The following ANKFN1 variants were observed in gnomAD, a reference collection of about 807,000 sequenced individuals.
The protein encoded by ANKFN1 is ankyrin repeat and fibronectin type III domain containing 1, also known as ankyrin repeat and fibronectin type-III domain-containing protein 1.
In ANKFN1, 74 loss-of-function variants were observed where a neutral mutation model predicts 108.7. The ratio of observed to expected loss-of-function variants is 0.68; its 90% CI spans 0.56 to 0.83. The LOEUF (loss-of-function observed/expected upper bound fraction) is 0.83, where lower values mean the gene tolerates loss of function less well. ANKFN1 is among the 40% of genes least tolerant of loss of function. The probability of loss-of-function intolerance (pLI) is 0.00; values close to 1 mark genes in which losing one functional copy is unlikely to be tolerated. For missense variants in ANKFN1, 1,505 were observed against 1,382.3 expected (o/e 1.09, Z -1.41); for synonymous variants, 547 against 516.2 (o/e 1.06, Z -0.81).
intron 8 of ANKFN1, among the ~76,000 whole-genome samples, chr17:56,412,856 G>A (rs139624176): frequency 6.4e-4 from 98 of 152,158 alleles, no homozygotes; most frequent in African/African-American, 2.1e-3. Flanking sequence ...TCAAATACGC[G>A]TCTATCCTAT....
rs113146127 is a variant in ANKFN1, at chr17:56,135,142, A to C, written c.288+88817A>C. On this transcript the variant is annotated intron_variant, in intron 4 of 12. Coordinates refer to the ANKFN1 transcript ENST00000635860. The stretch of plus-strand genomic sequence containing the variant: ...TCATATAGCCCCTCTGCTATAAAAA[A>C]TAAAATAAATCAAAGAATCTAGGAT... Among the ~76,000 whole-genome samples the C allele has an allele frequency of 8.1e-3, 1,232 of 152,350 alleles. 17 individuals are homozygous for C. The highest frequency in any genetic ancestry group is 0.027 in the African/African-American group (1,139 of 41,578).
At chr17:56,333,917 C>A (rs1280484969) in intron 4 of ANKFN1, among the ~76,000 whole-genome samples, 2 of 152,090 alleles carry the variant, frequency 1.3e-5, no homozygotes, top group Non-Finnish European at 2.9e-5. Flanking sequence ...TAGAGACCAG[C>A]CCACCTTTGA....
At chr17:56,077,967 AT>A (rs2143156056) in intron 4 of ANKFN1, among the ~76,000 whole-genome samples, 1 of 152,206 alleles carries the variant, frequency 6.6e-6, no homozygotes, top group East Asian at 1.9e-4. Context: ...TCATGGAGAA[AT>A]TTTAGATTGT....
chr17:56,267,956 C>A (rs184126809), intron 3 of ANKFN1, among the ~76,000 whole-genome samples: 1 of 151,890 alleles, frequency 6.6e-6, no homozygotes, highest in African/African-American at 2.4e-5. Flanking sequence ...ATAGAAATAG[C>A]GCTGAATCTG....
At chr17:56,412,417 G>C (rs1192372299) in intron 8 of ANKFN1, among the ~76,000 whole-genome samples, 1 of 152,140 alleles carries the variant, frequency 6.6e-6, no homozygotes, top group Non-Finnish European at 1.5e-5. Context: ...GTTCCTGGGC[G>C]TGTCTGTGAG....
intron 8 of ANKFN1, among the ~76,000 whole-genome samples, chr17:56,398,974 T>C (rs2047670451): frequency 6.6e-6 from 1 of 152,146 alleles, no homozygotes; most frequent in African/African-American, 2.4e-5. Context: ...TGGTACATAA[T>C]AGACCAATGG....
At chr17:56,296,158 T>C (rs2044504076) in intron 3 of ANKFN1, among the ~76,000 whole-genome samples, 1 of 152,152 alleles carries the variant, frequency 6.6e-6, no homozygotes, top group Non-Finnish European at 1.5e-5. Flanking sequence ...CCTTCCACAC[T>C]AACCTGCACA....
At chr17:56,308,951 G>A (rs1281701269) in intron 3 of ANKFN1, among the ~76,000 whole-genome samples, 1 of 152,096 alleles carries the variant, frequency 6.6e-6, no homozygotes, top group Non-Finnish European at 1.5e-5. Flanking sequence ...ATTTTTATAT[G>A]TTTCTGAATT....
At chr17:56,061,837 T>C (rs1050944902) in intron 4 of ANKFN1, among the ~76,000 whole-genome samples, 1 of 152,210 alleles carries the variant, frequency 6.6e-6, no homozygotes, top group Non-Finnish European at 1.5e-5. Flanking sequence ...GGGTGTTGAT[T>C]TGAGATCTTT....
intron 1 of ANKFN1, among the ~76,000 whole-genome samples, chr17:56,154,004 T>TA (rs1195836474): frequency 1.3e-5 from 2 of 151,606 alleles, no homozygotes; most frequent in Non-Finnish European, 2.9e-5. Context: ...GATGGAGAAG[T>TA]AAAATTTTTT....
intron 11 of ANKFN1, among the ~76,000 whole-genome samples, chr17:56,454,190 A>G (rs983989730): frequency 2.0e-5 from 3 of 151,396 alleles, no homozygotes; most frequent in Non-Finnish European, 4.4e-5. Flanking sequence ...CCATCCTTAC[A>G]TCCTTTTGCC....
chr17:56,065,438 CA>C (rs1397238033), intron 4 of ANKFN1, among the ~76,000 whole-genome samples: 1 of 152,184 alleles, frequency 6.6e-6, no homozygotes, highest in Non-Finnish European at 1.5e-5. Context: ...TTTACATTCA[CA>C]ACTTGTCTTG....
In ANKFN1 at chr17:56,427,431, T is replaced by C. The variant is rs118047386; in HGVS notation, c.911-12896T>C. Among the ~76,000 whole-genome samples the C allele has an allele frequency of 4.5e-3, 682 of 152,246 alleles. 4 individuals carry two copies. Among genetic ancestry groups the C allele is most frequent in the Non-Finnish European group, 7.7e-3 (524 of 68,020 alleles). On this transcript the variant is annotated intron_variant, in intron 8 of 20. Transcript: ENST00000682825. ...TTTACATTGCTGTTTATTTTTTTTT[T>C]ACTCAGTACTTATCTTGGCCACTAT...
chr17:56,145,114 T>C (rs543034753), intron 4 of ANKFN1, among the ~76,000 whole-genome samples: 1 of 152,318 alleles, frequency 6.6e-6, no homozygotes, highest in Non-Finnish European at 1.5e-5. Context: ...GGGTAGGTGT[T>C]TTTAATTTTA....
intron 1 of ANKFN1, among the ~76,000 whole-genome samples, chr17:56,172,280 T>C (rs1039967028): frequency 5.3e-5 from 8 of 152,128 alleles, no homozygotes; most frequent in African/African-American, 1.7e-4. Context: ...CTATTCCTTT[T>C]ATTTGCCTTT....
At chr17:56,428,721 C>T (rs1189633267) in intron 8 of ANKFN1, among the ~76,000 whole-genome samples, 1 of 152,142 alleles carries the variant, frequency 6.6e-6, no homozygotes, top group Non-Finnish European at 1.5e-5. Flanking sequence ...CCTCAGCCTC[C>T]CAGAGTGCTG....
intron 2 of ANKFN1, among the ~76,000 whole-genome samples, chr17:56,216,274 CT>C (rs1402124132): frequency 6.6e-6 from 1 of 152,204 alleles, no homozygotes; most frequent in East Asian, 1.9e-4. Flanking sequence ...TTGCCAAAAA[CT>C]ACTGCTTTGA....
chr17:56,157,892 A>G (rs1909262936), intron 1 of ANKFN1, among the ~76,000 whole-genome samples: 1 of 152,180 alleles, frequency 6.6e-6, no homozygotes, highest in Admixed American at 6.5e-5. Flanking sequence ...TTTCAGGCTT[A>G]TTGCCTTAAG....
chr17:56,401,052 C>T (rs569354250), intron 8 of ANKFN1, among the ~76,000 whole-genome samples: 1 of 152,036 alleles, frequency 6.6e-6, no homozygotes, highest in Non-Finnish European at 1.5e-5. Flanking sequence ...TTTGCTTAGT[C>T]TTGCTTTGGC....
Sources: allele counts gnomAD v4.1 joint callset (sites outside exome capture counted in the v4.1 genomes callset), GRCh38; gene constraint gnomAD v4.1.1; transcripts MANE v1.5; gene names NCBI Gene and HGNC (gene_info 2026-07-23, HGNC 2026-07-21).